Variants in AGBL1 observed in about 807,000 individuals in gnomAD.
AGBL1 encodes cytosolic carboxypeptidase 4.
Under a neutral mutation model 118.9 loss-of-function variants are expected in AGBL1, and 130 were observed. That is an observed-to-expected ratio of 1.09 (90% CI 0.95 to 1.26). The LOEUF (loss-of-function observed/expected upper bound fraction) is 1.26. AGBL1 is among the 50% of genes most tolerant of loss of function. AGBL1 has a pLI of 0.00. For synonymous variants in AGBL1, 555 were observed against 478.9 expected (o/e 1.16, Z -2.08); for missense variants, 1,584 against 1,298.1 (o/e 1.22, Z -3.38).
chr15:86,899,223 A>T (rs1011644584), intron 22 of AGBL1, among the ~76,000 whole-genome samples: 1 of 152,240 alleles, frequency 6.6e-6, no homozygotes, highest in African/African-American at 2.4e-5. Context: ...GAATGAGATC[A>T]TGTCTTTTGT....
At chr15:86,729,584 C>T (rs1025113093) in intron 22 of AGBL1, among the ~76,000 whole-genome samples, 10 of 152,160 alleles carry the variant, frequency 6.6e-5, no homozygotes, top group South Asian at 4.1e-4. Context: ...CAGCTGTATC[C>T]ATATTGCTGC....
At chr15:86,432,096 C>T (rs931181326) in intron 18 of AGBL1, among the ~76,000 whole-genome samples, 41 of 152,164 alleles carry the variant, frequency 2.7e-4, no homozygotes, top group African/African-American at 9.7e-4. Flanking sequence ...GTTCAGGATT[C>T]TGTTTGCTAA....
At chr15:86,088,854 T>A (rs566696984) in intron 1 of AGBL1, among the ~76,000 whole-genome samples, 5 of 152,294 alleles carry the variant, frequency 3.3e-5, no homozygotes, top group African/African-American at 9.6e-5. Flanking sequence ...CCCACCTCTC[T>A]CATTTACTTG....
intron 20 of AGBL1, among the ~76,000 whole-genome samples, chr15:86,552,320 T>C (rs964570110): frequency 6.6e-6 from 1 of 151,914 alleles, no homozygotes; most frequent in Non-Finnish European, 1.5e-5. Context: ...CCTTTTTATT[T>C]TTTTTAAAAA....
intron 18 of AGBL1, among the ~76,000 whole-genome samples, chr15:86,472,488 C>T (rs867230420): frequency 6.6e-6 from 1 of 152,082 alleles, no homozygotes; most frequent in Non-Finnish European, 1.5e-5. Context: ...AGATGCACTT[C>T]CTAACATTAT....
At chr15:86,134,552 T>C (rs1256801485) in intron 1 of AGBL1, among the ~76,000 whole-genome samples, 1 of 149,734 alleles carries the variant, frequency 6.7e-6, no homozygotes, top group Admixed American at 6.7e-5. Flanking sequence ...AGAGGGGGAC[T>C]ACAGGATCCT....
rs1002573840 is a variant in AGBL1 at position 86,586,986 on chromosome 15, C to T, written c.2994+32449C>T. 2.0e-5 allele frequency among the ~76,000 whole-genome samples: 3 copies of T among 152,008 alleles called. No individual in the cohort carries two copies. The South Asian group carries it at 6.2e-4, about 32-fold the overall frequency. Reference sequence around the variant, plus strand: ...GTTTGTGAGGCATGACTCCCCAGGCCCCTTAGAAAGGCATATGAGGAAGTA... The same window carrying T: ...GTTTGTGAGGCATGACTCCCCAGGCTCCTTAGAAAGGCATATGAGGAAGTA... On this transcript the variant is annotated intron_variant, in intron 21 of 22. Transcript: ENST00000614907.
intron 17 of AGBL1, among the ~76,000 whole-genome samples, chr15:86,325,140 A>C (rs2141850587): frequency 6.6e-6 from 1 of 152,274 alleles, no homozygotes; most frequent in Non-Finnish European, 1.5e-5. Context: ...GCAGGATAGG[A>C]TGGAGGCCTA....
At chr15:86,944,382 A>T (rs1411377830) in intron 23 of AGBL1, among the ~76,000 whole-genome samples, 1 of 151,962 alleles carries the variant, frequency 6.6e-6, no homozygotes, top group African/African-American at 2.4e-5. Context: ...CGTCTAAATA[A>T]TAATAATAAT....
chr15:86,545,522 A>G (rs28690739), intron 19 of AGBL1, among the ~76,000 whole-genome samples: 3,525 of 152,140 alleles, frequency 0.023, 145 homozygotes, highest in African/African-American at 0.08. Flanking sequence ...AGTACCCATT[A>G]GTTATTTTTC....
chr15:86,784,702 C>A (rs562088757), intron 22 of AGBL1, among the ~76,000 whole-genome samples: 1 of 152,100 alleles, frequency 6.6e-6, no homozygotes, highest in Non-Finnish European at 1.5e-5. Context: ...GCTTCTACTG[C>A]GTTATAAATT....
At chr15:86,377,992 A>G (rs1228895715) in intron 17 of AGBL1, among the ~76,000 whole-genome samples, 1 of 152,218 alleles carries the variant, frequency 6.6e-6, no homozygotes, top group African/African-American at 2.4e-5. Context: ...AATAGATTGT[A>G]ATATCTGGAT....
chr15:86,250,521 GTC>G (rs1457765962), intron 7 of AGBL1, among the ~76,000 whole-genome samples: 15 of 59,128 alleles, frequency 2.5e-4, no homozygotes, highest in Admixed American at 2.9e-4. Flanking sequence ...GTAAGACTCT[GTC>G]TCAAAAAAAA....
chr15:86,214,870 T>A (rs934332466), intron 5 of AGBL1, among the ~76,000 whole-genome samples: 5 of 152,214 alleles, frequency 3.3e-5, no homozygotes, highest in African/African-American at 1.2e-4. Context: ...CCCTGCTGAG[T>A]GTTCGTAACC....
In AGBL1 at chr15:86,479,303, G is replaced by A. The variant is rs1248338950; in HGVS notation, c.2556-43507G>A. Among the ~76,000 whole-genome samples, 3 of 152,098 alleles carry A rather than the reference G, an allele frequency of 2.0e-5. No homozygotes were observed. The East Asian group carries it at 5.8e-4, about 29-fold the overall frequency. ...CATCAGAGTGAACAGGCAACCTACA[G>A]AATGGGAGAAAAATTTTGCAATCTA... On this transcript the variant is annotated intron_variant, in intron 18 of 22. Transcript: ENST00000614907.
At chr15:86,726,295 G>A (rs1001260624) in intron 22 of AGBL1, among the ~76,000 whole-genome samples, 1 of 152,168 alleles carries the variant, frequency 6.6e-6, no homozygotes, top group African/African-American at 2.4e-5. Flanking sequence ...AAAAGGCAGT[G>A]CGCTTTAGCA....
At chr15:86,356,926 C>G (rs74344326) in intron 17 of AGBL1, among the ~76,000 whole-genome samples, 3,574 of 152,300 alleles carry the variant, frequency 0.023, 58 homozygotes, top group Middle Eastern at 0.065. Flanking sequence ...CCAATTGATG[C>G]AAATACTCTC....
chr15:86,335,924 G>T (rs2141872093), intron 17 of AGBL1, among the ~76,000 whole-genome samples: 1 of 152,284 alleles, frequency 6.6e-6, no homozygotes, highest in African/African-American at 2.4e-5. Flanking sequence ...ATGTGTTCTG[G>T]TTTTATTTCG....
chr15:86,739,596 T>C (rs2077649383), intron 22 of AGBL1, among the ~76,000 whole-genome samples: 1 of 151,622 alleles, frequency 6.6e-6, no homozygotes, highest in Non-Finnish European at 1.5e-5. Context: ...AAGACCTGGG[T>C]TCAAATCCCA....
Sources: allele counts gnomAD v4.1 joint callset (sites outside exome capture counted in the v4.1 genomes callset), GRCh38; gene constraint gnomAD v4.1.1; transcripts MANE v1.5; gene names NCBI Gene and HGNC (gene_info 2026-07-23, HGNC 2026-07-21).